MACROD2: variants seen among roughly 807,000 people sequenced by gnomAD.
MACROD2 encodes the protein ADP-ribose glycohydrolase MACROD2.
In MACROD2, 36 loss-of-function variants were observed where a neutral mutation model predicts 70.4. That is an observed-to-expected ratio of 0.51 (90% confidence interval 0.39 to 0.68). The LOEUF is 0.68. Ranked by LOEUF, MACROD2 falls within the 30% of genes least tolerant of loss-of-function variation. MACROD2 has a pLI of 0.00. For synonymous variants in MACROD2, 172 were observed against 178.8 expected, an observed-to-expected ratio of 0.96 and a Z score of 0.30; for missense variants, 496 against 538.4, an observed-to-expected ratio of 0.92 and a Z score of 0.78.
intron 7 of MACROD2, among the ~76,000 whole-genome samples, chr20:15,432,062 T>A (rs2046369816): frequency 6.6e-6 from 1 of 152,040 alleles, no homozygotes; most frequent in Non-Finnish European, 1.5e-5. Flanking sequence ...AGAACTTTTT[T>A]ATACTTTTTT....
At chr20:14,978,583 C>CT (rs1321919112) in intron 5 of MACROD2, among the ~76,000 whole-genome samples, 1 of 151,610 alleles carries the variant, frequency 6.6e-6, no homozygotes, top group African/African-American at 2.4e-5. Flanking sequence ...GCTATGTGAC[C>CT]TTAAAAGGTT....
chr20:14,063,129 A>C (rs1242870297), intron 2 of MACROD2, among the ~76,000 whole-genome samples: 1 of 152,166 alleles, frequency 6.6e-6, no homozygotes, highest in Non-Finnish European at 1.5e-5. Flanking sequence ...TTTATGATTA[A>C]AAAATGGGAC....
chr20:15,692,701 A>G (rs2050313369), intron 8 of MACROD2, among the ~76,000 whole-genome samples: 1 of 152,172 alleles, frequency 6.6e-6, no homozygotes, highest in East Asian at 1.9e-4. Context: ...TGACAAAAGT[A>G]ATAGTAATAT....
At chr20:14,309,762 A>C (rs2082550298) in intron 3 of MACROD2, among the ~76,000 whole-genome samples, 1 of 152,166 alleles carries the variant, frequency 6.6e-6, no homozygotes, top group Non-Finnish European at 1.5e-5. Context: ...ACAAATAAAC[A>C]AAAAAATGGA....
intron 15 of MACROD2, among the ~76,000 whole-genome samples, chr20:15,990,634 T>C (rs1568691147): frequency 1.3e-5 from 2 of 152,162 alleles, no homozygotes; most frequent in Admixed American, 6.6e-5. Flanking sequence ...TAGAAAAAGA[T>C]GCATATGGGC....
chr20:15,936,850 G>T (rs1265070862), intron 11 of MACROD2, among the ~76,000 whole-genome samples: 1 of 152,106 alleles, frequency 6.6e-6, no homozygotes, highest in Non-Finnish European at 1.5e-5. Flanking sequence ...GGAGAGAAAG[G>T]TCTACTCTAA....
chr20:15,980,869 T>A (rs760381988), intron 13 of MACROD2, among the ~76,000 whole-genome samples: 5 of 152,218 alleles, frequency 3.3e-5, no homozygotes, highest in Non-Finnish European at 7.3e-5. Flanking sequence ...CCGGTTTTAT[T>A]AGTGATGATT....
At chr20:15,892,472 G>T (rs1025118734) in intron 10 of MACROD2, among the ~76,000 whole-genome samples, 7 of 152,190 alleles carry the variant, frequency 4.6e-5, no homozygotes, top group Non-Finnish European at 1.0e-4. Context: ...AAAACAGTTT[G>T]TTAAATAGAA....
intron 3 of MACROD2, among the ~76,000 whole-genome samples, chr20:14,276,551 A>G (rs2082259067): frequency 6.6e-6 from 1 of 151,146 alleles, no homozygotes; most frequent in Admixed American, 6.6e-5. Flanking sequence ...TGGGTGCAGC[A>G]CACCAGCATG....
chr20:14,437,737 AT>A (rs1007937677), intron 3 of MACROD2, among the ~76,000 whole-genome samples: 3 of 152,212 alleles, frequency 2.0e-5, no homozygotes, highest in African/African-American at 7.2e-5. Context: ...ACTTATATAA[AT>A]GAATTTTGCT....
At chr20:15,373,469 A>G (rs978235359) in intron 6 of MACROD2, among the ~76,000 whole-genome samples, 1 of 152,338 alleles carries the variant, frequency 6.6e-6, no homozygotes, top group African/African-American at 2.4e-5. Context: ...CAGTGGCACC[A>G]TCATAGCTCA....
chr20:14,751,321 T>TC (rs1173654727), intron 5 of MACROD2, among the ~76,000 whole-genome samples: 2 of 151,874 alleles, frequency 1.3e-5, no homozygotes, highest in African/African-American at 4.8e-5. Flanking sequence ...CTCCCTTTTT[T>TC]TTTTGATCTT....
intron 3 of MACROD2, among the ~76,000 whole-genome samples, chr20:14,273,030 TA>T (rs2082211562): frequency 6.6e-6 from 1 of 150,404 alleles, no homozygotes; most frequent in South Asian, 2.1e-4. Context: ...CTTAGACTCC[TA>T]CACAATAATA....
chr20:14,712,933 A>G (rs559336553), intron 5 of MACROD2, among the ~76,000 whole-genome samples: 10 of 152,304 alleles, frequency 6.6e-5, no homozygotes, highest in African/African-American at 2.4e-4. Flanking sequence ...AATAGTGGGT[A>G]TATATTTTTT....
At chr20:15,924,001 G>T (rs531106170) in intron 10 of MACROD2, among the ~76,000 whole-genome samples, 1 of 152,196 alleles carries the variant, frequency 6.6e-6, no homozygotes, top group African/African-American at 2.4e-5. Context: ...CTTTGGGGTG[G>T]TTGTTGAGTT....
At chr20:14,162,122 T>C (rs1262823140) in intron 3 of MACROD2, among the ~76,000 whole-genome samples, 4 of 152,226 alleles carry the variant, frequency 2.6e-5, no homozygotes, top group African/African-American at 7.2e-5. Flanking sequence ...ATTTCATCCT[T>C]GACCGAGTGG....
intron 2 of MACROD2, among the ~76,000 whole-genome samples, chr20:14,046,464 A>T (rs116826271): frequency 0.012 from 1,760 of 152,326 alleles, 32 homozygotes; most frequent in African/African-American, 0.04. Context: ...ATTATAAACA[A>T]CTGCTTTTGA....
intron 4 of MACROD2, among the ~76,000 whole-genome samples, chr20:14,676,629 C>T (rs1011500508): frequency 4.6e-5 from 7 of 152,078 alleles, no homozygotes; most frequent in East Asian, 1.9e-4. Context: ...GATCTAAAAT[C>T]GACACCCTAA....
chr20:14,273,042 A>G (rs918600854), intron 3 of MACROD2, among the ~76,000 whole-genome samples: 45 of 151,880 alleles, frequency 3.0e-4, no homozygotes, highest in African/African-American at 9.7e-4. Flanking sequence ...CACAATAATA[A>G]TGGGAGACTT....
Sources: gnomAD v4.1 joint callset for allele counts (sites outside exome capture counted in the v4.1 genomes callset) on GRCh38, gnomAD v4.1.1 for gene constraint, MANE v1.5 for transcripts, NCBI Gene and HGNC (gene_info 2026-07-23, HGNC 2026-07-21) for gene names.